The following IGSF22 variants were observed in gnomAD, a reference collection of about 807,000 sequenced individuals.
IGSF22 encodes the protein immunoglobulin superfamily member 22.
In IGSF22, 119 loss-of-function variants were observed where a neutral mutation model predicts 127.0. That is an observed-to-expected ratio of 0.94 (90% CI 0.81 to 1.09). The LOEUF (loss-of-function observed/expected upper bound fraction) is 1.09. Among genes scored for constraint, IGSF22 ranks in the 50% least tolerant of loss-of-function variants. IGSF22 has a pLI of 0.00. For synonymous variants in IGSF22, 568 were observed against 664.7 expected (o/e 0.85, Z 2.24); for missense variants, 1,518 against 1,716.6 (o/e 0.88, Z 2.04).
intron 3 of IGSF22, 67 bp downstream of exon 3, chr11:18,721,843 G>T: frequency 6.3e-7 from 1 of 1,598,224 alleles, no homozygotes; most frequent in East Asian, 2.2e-5. Context: ...GGGGTAGGAC[G>T]GAGGGTGGGG....
In IGSF22 at chr11:18,713,862, A is replaced by G. The variant is rs765202601; in HGVS notation, c.2085T>C (p.Leu695=). 2.5e-6 allele frequency: 4 copies of G among 1,612,876 alleles called. No individual in the cohort carries two copies. The African/African-American group carries it at 4.0e-5, about 16-fold the overall frequency. ...DHGSATATLH[L]SVLDRPKPPQ... is the part of the protein sequence containing the mutation. ...TGGCCCTGCCCTGACCCAGCACACT[A>G]AGGTGCAGAGTGGCCGTGGCTGAGC... The change falls in exon 14 of 23, where the codon CTT becomes CTC. Residue 695 remains leucine (L), a synonymous_variant. Coordinates refer to ENST00000513874, the MANE Select transcript of IGSF22 (RefSeq NM_173588.4).
chr11:18,713,458 C>T (rs1848395339), intron 14 of IGSF22, among the ~76,000 whole-genome samples: 1 of 152,188 alleles, frequency 6.6e-6, no homozygotes, highest in Non-Finnish European at 1.5e-5. Flanking sequence ...GCTATAGCCA[C>T]CGTGTCTGGC....
intron 22 of IGSF22, chr11:18,704,922 C>G (rs1848193367): frequency 4.2e-6 from 1 of 236,186 alleles, no homozygotes; most frequent in South Asian, 6.4e-5. Flanking sequence ...GGATAGCACC[C>G]ACAGTGCCTT....
chr11:18,716,404 C>T lies in IGSF22; in HGVS notation c.1246+324G>A, dbSNP rs902526662. The stretch of plus-strand genomic sequence containing the variant: ...GTTGTGATAGCAGAATGTAAGTAGT[C>T]CAGAGTGACACAGATGTGCTGTAAT... On this transcript the variant is annotated intron_variant, in intron 10 of 22. Transcript: ENST00000513874. This position sits in a 1 kb window ranked among gnomAD's most constrained non-coding sequence, Gnocchi z 4.5. 2.0e-5 allele frequency among the ~76,000 whole-genome samples: 3 copies of T among 152,128 alleles called. No individual in the cohort carries two copies. Among genetic ancestry groups the T allele is most frequent in the African/African-American group, 7.2e-5 (3 of 41,402 alleles).
Position 18,710,908 on chromosome 11 carries a change from G to A in IGSF22, c.2399-80C>T, listed in dbSNP as rs952371221. ...CCCACCTCATGCTGACTTCTGCCTC[G>A]CCTGCTTAAATAAACTCAAACCAGT... On this transcript the variant is annotated intron_variant, in intron 15 of 22. Coordinates refer to ENST00000513874, the MANE Select transcript of IGSF22 (RefSeq NM_173588.4). 1.4e-4 allele frequency: 175 copies of A among 1,254,334 alleles called. 1 individual carries two copies. The highest frequency in any genetic ancestry group is 3.8e-4 in the Admixed American group (18 of 47,944). The allele number at this position is 1,254,334 out of a possible 1,614,324, so 77.7% of individuals were successfully genotyped here.
Position 18,719,719 on chromosome 11 carries a change from C to T in IGSF22, c.693G>A (p.Val231=). The change falls in exon 7 of 23, where the codon GTG becomes GTA. Residue 231 remains valine (V), a synonymous_variant. Coordinates refer to ENST00000513874, the MANE Select transcript of IGSF22 (RefSeq NM_173588.4). ...KLKEMKKKVE[V]EAIRILKPLE... ...CTGCTCCCTGCAGGGTACTTACCTC[C>T]ACCTCTACTTTCTTCTTCATCTCTT... 6.2e-7 allele frequency: 1 copy of T among 1,614,022 alleles called. No homozygotes were observed. The highest frequency in any genetic ancestry group is 1.3e-5 in the African/African-American group (1 of 75,050).
chr11:18,714,292 A>T lies in IGSF22; in HGVS notation c.1783T>A (p.Ser595Thr). 1 of 1,613,708 alleles carries T rather than the reference A, an allele frequency of 6.2e-7. No individual in the cohort carries two copies. The highest frequency in any genetic ancestry group is 1.1e-5 in the South Asian group (1 of 90,990). The change falls in exon 13 of 23, where the codon TCT becomes ACT. Residue 595 changes from serine (S) to threonine (T), a missense_variant. Transcript: ENST00000513874. ...AGATCCATACCTGCGATGAATACAG[A>T]GGCTTCACTTTCCGTGCCCTTGGCC... The part of the protein sequence containing the change: ...FRAKGTESEA[S>T]VFIADPPTID...
In IGSF22 at chr11:18,716,214, T is replaced by C. The variant is rs111685744; in HGVS notation, c.1247-498A>G. On this transcript the variant is annotated intron_variant, in intron 10 of 22. Transcript: ENST00000513874. The surrounding 1 kb of genome is among the most constrained non-coding windows in gnomAD (Gnocchi z 4.5). Reference sequence around the variant, plus strand: ...AAAGCTCGGACATCATTTCATTATATCATTTCTGATGTTGCCAGGTGATGC... The same window carrying C: ...AAAGCTCGGACATCATTTCATTATACCATTTCTGATGTTGCCAGGTGATGC... Among the ~76,000 whole-genome samples, 2 of 152,338 alleles carry C rather than the reference T, an allele frequency of 1.3e-5. No homozygotes were observed. Among genetic ancestry groups the C allele is most frequent in the African/African-American group, 2.4e-5 (1 of 41,580 alleles).
chr11:18,723,914 G>A (rs1848611416), intron 2 of IGSF22, among the ~76,000 whole-genome samples: 3 of 152,224 alleles, frequency 2.0e-5, no homozygotes, highest in Admixed American at 6.5e-5. Context: ...TCTTTTCTAA[G>A]CTGTTTTCCT....
rs768072027 is a variant in IGSF22, at chr11:18,710,652, C to T, written c.2572+3G>A. On this transcript the variant is annotated splice_donor_region_variant and intron_variant, in intron 16 of 22. Transcript: ENST00000513874. ...TCCTGGGCCTCTGTTCCAAGGACCT[C>T]ACCCTGGATGGGGTCCTTGTTGACT... 4.3e-6 allele frequency: 7 copies of T among 1,609,604 alleles called. No individual in the cohort carries two copies. Among genetic ancestry groups the T allele is most frequent in the Admixed American group, 1.7e-5 (1 of 59,938 alleles).
intron 22 of IGSF22, chr11:18,705,500 G>C (rs1848206895): frequency 2.7e-6 from 1 of 369,884 alleles, no homozygotes; most frequent in Admixed American, 4.3e-5. Flanking sequence ...GTGCCAGAGA[G>C]ATCGTGATTG....
At chr11:18,705,758 C>G in intron 22 of IGSF22, 59 bp downstream of exon 22, 1 of 1,440,788 alleles carries the variant, frequency 6.9e-7, no homozygotes, top group Non-Finnish European at 9.3e-7. Flanking sequence ...CAATGGCCCA[C>G]AAGACCAGCC....
rs536147447 is a variant in IGSF22 at position 18,714,068 on chromosome 11, T to C, written c.1879A>G (p.Ile627Val). Residue 627 changes from isoleucine (I) to valine (V), a missense_variant, in exon 14 of 23, where the codon ATC (isoleucine) becomes GTC (valine). Ile to Val is a conservative substitution (Grantham distance 29). This residue lies in a region of IGSF22 where 1,456 missense variants were observed against 1,644.9 expected (regional missense o/e 0.89). Transcript: ENST00000513874. ...ITVKVGHTAH[I>V]KVPFRGKPLP... is the part of the protein sequence containing the mutation. ...GGTTTTCCCCGGAAGGGGACCTTGA[T>C]GTGGGCCGTGTGGCCTACCTTCACA... 2 of 1,614,282 alleles carry C rather than the reference T, an allele frequency of 1.2e-6. No homozygotes were observed. Among genetic ancestry groups the C allele is most frequent in the African/African-American group, 2.7e-5 (2 of 75,084 alleles).
intron 18 of IGSF22, 133 bp from the exon 19 acceptor site, chr11:18,708,428 G>A: frequency 1.6e-6 from 1 of 621,938 alleles, no homozygotes. Flanking sequence ...ACATCTAGCT[G>A]CCCTGCAACC....
At chr11:18,708,334 C>T in intron 18 of IGSF22, 39 bp from the exon 19 acceptor site, 3 of 1,473,964 alleles carry the variant, frequency 2.0e-6, no homozygotes, top group Middle Eastern at 1.9e-4. Context: ...ATGGATCTGT[C>T]TTTCAAGAAG....
chr11:18,708,028 C>T, intron 19 of IGSF22, 32 bp from the exon 20 acceptor site: 2 of 1,611,084 alleles, frequency 1.2e-6, no homozygotes, highest in Non-Finnish European at 1.7e-6. Flanking sequence ...CACAACTGGT[C>T]ACACAGATGA....
At position 18,714,430 on chromosome 11, in the gene IGSF22, G is replaced by A. The variant is rs748917589; in HGVS notation, c.1657-12C>T. ...GGCAAGTCCGTGATCTGGGGGTCAG[G>A]GGTGGGCCTGAGTGTGAGCATAGGC... On this transcript the variant is annotated splice_polypyrimidine_tract_variant and intron_variant, in intron 12 of 22. Transcript: ENST00000513874. 3 of 1,613,874 alleles carry A rather than the reference G, an allele frequency of 1.9e-6. No individual in the cohort carries two copies. The African/African-American group carries it at 4.0e-5, about 22-fold the overall frequency.
chr11:18,718,788 G>C, intron 7 of IGSF22, 60 bp from the exon 8 acceptor site: 1 of 998,284 alleles, frequency 1.0e-6, no homozygotes, highest in Non-Finnish European at 1.6e-6. Flanking sequence ...TGCCCAGACT[G>C]TGTCCTCAAT....
In IGSF22 at chr11:18,724,250, G is replaced by A. The variant is rs139126619; in HGVS notation, c.-14C>T. On this transcript the variant is annotated 5_prime_UTR_variant, in exon 2 of 23. In the 5' UTR this introduces an upstream ATG that the reference lacks. Coordinates refer to ENST00000513874, the MANE Select transcript of IGSF22 (RefSeq NM_173588.4). ...AATGGTTGTCATGGTGACAGCAGGC[G>A]TGGGCACTCACCTGTGAGACTGGGG... The A allele has an allele frequency of 1.5e-3, 2,446 of 1,598,184 alleles. 4 individuals are homozygous for A. The highest frequency in any genetic ancestry group is 1.9e-3 in the Non-Finnish European group (2,227 of 1,165,856).
Sources: allele counts gnomAD v4.1 joint callset (sites outside exome capture counted in the v4.1 genomes callset), GRCh38; gene constraint gnomAD v4.1.1; regional missense constraint gnomAD v4.1.1; non-coding constraint Gnocchi (gnomAD v3.1); transcripts MANE v1.5; gene names NCBI Gene and HGNC (gene_info 2026-07-23, HGNC 2026-07-21).